Variants in YIPF4 observed in about 807,000 individuals in gnomAD.
YIPF4 encodes Yip1 domain family member 4.
In YIPF4, 18 loss-of-function variants were observed where a neutral mutation model predicts 29.4. That is an observed-to-expected ratio of 0.61 (90% CI 0.42 to 0.91). YIPF4 has a LOEUF of 0.91. Ranked by LOEUF, YIPF4 falls within the 40% of genes least tolerant of loss-of-function variation. The pLI is 0.00. For missense variants in YIPF4, 279 were observed against 282.7 expected (o/e 0.99, Z 0.09); for synonymous variants, 115 against 104.7 (o/e 1.10, Z -0.60).
chr2:32,282,601 G>GT (rs2030474423), intron 1 of YIPF4, among the ~76,000 whole-genome samples: 1 of 151,858 alleles, frequency 6.6e-6, no homozygotes, highest in African/African-American at 2.4e-5. Context: ...CCCAGCTAAT[G>GT]TTTTGTATCG....
rs1242488063 is a variant in YIPF4 at position 32,306,057 on chromosome 2, A to G, written c.*431A>G. 4.8e-6 allele frequency: 4 copies of G among 826,918 alleles called. No individual in the cohort carries two copies. The highest frequency in any genetic ancestry group is 5.8e-6 in the Non-Finnish European group (4 of 685,782). 51.2% of individuals were successfully genotyped at this position (826,918 alleles called of 1,614,324 possible). ...ATCCTGCAGATATATATTTATATTT[A>G]TACATATATATTTATGAAATAATTC... On this transcript the variant is annotated 3_prime_UTR_variant, in exon 6 of 6. Transcript: ENST00000238831.
At position 32,306,389 on chromosome 2, in the gene YIPF4, G is replaced by A. The variant is rs1042959353; in HGVS notation, c.*763G>A. The A allele has an allele frequency of 1.0e-6, 1 of 985,130 alleles. No individual in the cohort carries two copies. The highest frequency in any genetic ancestry group is 1.2e-6 in the Non-Finnish European group (1 of 829,360). The allele number at this position is 985,130 out of a possible 1,614,324, so 61.0% of individuals were successfully genotyped here. A position where few individuals can be genotyped will look rare whatever the true frequency, so the allele number is the denominator to read the frequency against. On this transcript the variant is annotated 3_prime_UTR_variant, in exon 6 of 6. Coordinates refer to ENST00000238831, the MANE Select transcript of YIPF4 (RefSeq NM_032312.4). ...ATCTTTCTGACCAAAGGAGCAAGAG[G>A]TATAATGGATATGGCATTCATTAAA...
rs1246810105 is a variant in YIPF4, at chr2:32,311,358, T to C, written c.*5732T>C. On this transcript the variant is annotated 3_prime_UTR_variant, in exon 6 of 6. Coordinates refer to ENST00000238831, the MANE Select transcript of YIPF4 (RefSeq NM_032312.4). ...ATTAGTTTTCTCTTTGAAAATTCTTTTGATATGCTGAGGTTACAGTTTGGA... is the reference window on the plus strand; with the variant it reads ...ATTAGTTTTCTCTTTGAAAATTCTTCTGATATGCTGAGGTTACAGTTTGGA... The C allele has an allele frequency of 6.6e-6, 1 of 152,234 alleles. No homozygotes were observed. The allele number at this position is 152,234 out of a possible 1,614,324, so 9.4% of individuals were successfully genotyped here. A position where few individuals can be genotyped will look rare whatever the true frequency, so the allele number is the denominator to read the frequency against.
rs898548784 is a variant in YIPF4 at position 32,305,636 on chromosome 2, T to C, written c.*10T>C. 4.5e-6 allele frequency: 7 copies of C among 1,560,750 alleles called. No individual in the cohort carries two copies. Among genetic ancestry groups the C allele is most frequent in the Admixed American group, 1.9e-5 (1 of 52,106 alleles). On this transcript the variant is annotated 3_prime_UTR_variant, in exon 6 of 6. Transcript: ENST00000238831. ...ATATACTGGTGTGTGATCCAAGTTA[T>C]ACATGAATAGAAAAAGATGGTGTTA... is the stretch of plus-strand genomic sequence containing the variant.
chr2:32,285,092 T>G (rs2030609051), intron 1 of YIPF4, among the ~76,000 whole-genome samples: 1 of 151,284 alleles, frequency 6.6e-6, no homozygotes, highest in South Asian at 2.1e-4. Flanking sequence ...CAGACAGGAG[T>G]TGATGGTTTG....
Position 32,278,209 on chromosome 2 carries a change from C to A in YIPF4, c.54C>A (p.Thr18=), listed in dbSNP as rs1255335502. ...PAYAPTNGDF[T]FVSSADAEDL... ...ATGCCCCCACTAACGGGGACTTCAC[C>A]TTTGTCTCCTCAGCAGACGCGGAAG... Residue 18 remains threonine (T), a synonymous_variant, in exon 1 of 6, where the codon ACC becomes ACA. Coordinates refer to ENST00000238831, the MANE Select transcript of YIPF4 (RefSeq NM_032312.4). 1 of 1,571,270 alleles carries A rather than the reference C, an allele frequency of 6.4e-7. No homozygotes were observed. Among genetic ancestry groups the A allele is most frequent in the South Asian group, 1.2e-5 (1 of 85,674 alleles).
At position 32,313,995 on chromosome 2, in the gene YIPF4, G is replaced by A. The variant is rs571277594; in HGVS notation, c.*8369G>A. On this transcript the variant is annotated 3_prime_UTR_variant, in exon 6 of 6. Transcript: ENST00000238831. The stretch of plus-strand genomic sequence containing the variant: ...AGGCATGAACCACTGCGCCCAGCCA[G>A]AAACGTGCTTTTAATACTAAAGGCC... 6.6e-6 allele frequency: 1 copy of A among 152,310 alleles called. No homozygotes were observed. The highest frequency in any genetic ancestry group is 6.5e-5 in the Admixed American group (1 of 15,282). The allele number at this position is 152,310 out of a possible 1,614,324, so 9.4% of individuals were successfully genotyped here. A position where few individuals can be genotyped will look rare whatever the true frequency, so the allele number is the denominator to read the frequency against.
intron 3 of YIPF4, among the ~76,000 whole-genome samples, chr2:32,292,862 CAAAAAAA>C (rs1217481341): frequency 1.3e-5 from 1 of 77,894 alleles, no homozygotes; most frequent in African/African-American, 4.9e-5. Context: ...GACTCCATCT[CAAAAAAA>C]AAAAAAAAAA....
chr2:32,304,747 T>C (rs2031519902), intron 5 of YIPF4, among the ~76,000 whole-genome samples: 1 of 152,218 alleles, frequency 6.6e-6, no homozygotes, highest in African/African-American at 2.4e-5. Context: ...AGAGTTTCCC[T>C]GAATTTCCTT....
At chr2:32,283,142 A>G (rs190869450) in intron 1 of YIPF4, among the ~76,000 whole-genome samples, 36 of 151,422 alleles carry the variant, frequency 2.4e-4, no homozygotes, top group Admixed American at 3.3e-4. Context: ...ATTTACTACT[A>G]TATCTGGCAG....
rs1221620127 is a variant in YIPF4, at chr2:32,298,332, A to G, written c.483+21A>G. On this transcript the variant is annotated intron_variant, in intron 4 of 5. Transcript: ENST00000238831. ...GAGAAGTAAGTAGTTTATTTTGAAAATAATCTTCCTTATTTATGGTGAGCT... is the reference window on the plus strand; with the variant it reads ...GAGAAGTAAGTAGTTTATTTTGAAAGTAATCTTCCTTATTTATGGTGAGCT... 4 of 1,558,100 alleles carry G rather than the reference A, an allele frequency of 2.6e-6. No homozygotes were observed. The African/African-American group carries it at 4.1e-5, about 16-fold the overall frequency.
chr2:32,289,210 C>T (rs2030812022), intron 1 of YIPF4, among the ~76,000 whole-genome samples: 1 of 151,972 alleles, frequency 6.6e-6, no homozygotes, highest in Non-Finnish European at 1.5e-5. Context: ...AATGTTTAAC[C>T]TGGAAAGAAC....
At position 32,308,885 on chromosome 2, in the gene YIPF4, G is replaced by T. The variant is rs2031653790; in HGVS notation, c.*3259G>T. ...TCTCTACTAAAAATACAATAAATTAGCCGGGCATGGTGGCGGGCGCCTGTA... is the reference window on the plus strand; with the variant it reads ...TCTCTACTAAAAATACAATAAATTATCCGGGCATGGTGGCGGGCGCCTGTA... On this transcript the variant is annotated 3_prime_UTR_variant, in exon 6 of 6. Transcript: ENST00000238831. 1 of 151,894 alleles carries T rather than the reference G, an allele frequency of 6.6e-6. No homozygotes were observed. Among genetic ancestry groups the T allele is most frequent in the Non-Finnish European group, 1.5e-5 (1 of 68,114 alleles). 9.4% of individuals were successfully genotyped at this position (151,894 alleles called of 1,614,324 possible).
chr2:32,282,766 A>G (rs542333438), intron 1 of YIPF4, among the ~76,000 whole-genome samples: 163 of 152,036 alleles, frequency 1.1e-3, no homozygotes, highest in African/African-American at 2.7e-3. Context: ...TTCCTCATAT[A>G]CAAATTGGGA....
intron 4 of YIPF4, among the ~76,000 whole-genome samples, chr2:32,300,621 G>C (rs1317704100): frequency 6.6e-6 from 1 of 151,970 alleles, no homozygotes; most frequent in East Asian, 1.9e-4. Context: ...GACACTTAAA[G>C]TATATTTGTT....
Position 32,306,415 on chromosome 2 carries a change from A to G in YIPF4, c.*789A>G, listed in dbSNP as rs936284751. 1.0e-6 allele frequency: 1 copy of G among 983,976 alleles called. No homozygotes were observed. The highest frequency in any genetic ancestry group is 1.2e-6 in the Non-Finnish European group (1 of 828,382). The allele number at this position is 983,976 out of a possible 1,614,324, so 61.0% of individuals were successfully genotyped here. On this transcript the variant is annotated 3_prime_UTR_variant, in exon 6 of 6. Transcript: ENST00000238831. ...TATAATGGATATGGCATTCATTAAA[A>G]TCTTTACTATGTACAAAAACAGTAA...
At position 32,316,038 on chromosome 2, in the gene YIPF4, A is replaced by G. The variant is rs71446062; in HGVS notation, c.*10412A>G. ...CTCCCCAAAAAGGAAAAAAAAAAAAAAACCAAAAAAAAAAAAAAAGTATAA... is the reference window on the plus strand; with the variant it reads ...CTCCCCAAAAAGGAAAAAAAAAAAAGAACCAAAAAAAAAAAAAAAGTATAA... On this transcript the variant is annotated 3_prime_UTR_variant, in exon 6 of 6. Coordinates refer to ENST00000238831, the MANE Select transcript of YIPF4 (RefSeq NM_032312.4). 5 of 144,984 alleles carry G rather than the reference A, an allele frequency of 3.4e-5. No individual in the cohort carries two copies. The highest frequency in any genetic ancestry group is 7.6e-5 in the Non-Finnish European group (5 of 65,534). 9.0% of individuals were successfully genotyped at this position (144,984 alleles called of 1,614,324 possible).
intron 1 of YIPF4, among the ~76,000 whole-genome samples, chr2:32,282,092 G>T (rs1351729054): frequency 6.6e-6 from 1 of 151,574 alleles, no homozygotes; most frequent in East Asian, 1.9e-4. Context: ...AGAAACTGAG[G>T]CTTAGAGAGG....
At chr2:32,281,127 CAT>C (rs1418736734) in intron 1 of YIPF4, among the ~76,000 whole-genome samples, 2 of 152,034 alleles carry the variant, frequency 1.3e-5, no homozygotes, top group Admixed American at 1.3e-4. Context: ...CCTCAGGAGA[CAT>C]ATAGGTCTGT....
Sources: allele counts gnomAD v4.1 joint callset (sites outside exome capture counted in the v4.1 genomes callset), GRCh38; gene constraint gnomAD v4.1.1; transcripts MANE v1.5; gene names NCBI Gene and HGNC (gene_info 2026-07-23, HGNC 2026-07-21).